The following SLC7A14 variants were observed in gnomAD, a reference collection of about 807,000 sequenced individuals.
The protein encoded by SLC7A14 is solute carrier family 7 member 14.
Under a neutral mutation model 60.2 loss-of-function variants are expected in SLC7A14, and 37 were observed. That is an observed-to-expected ratio of 0.61 (90% confidence interval 0.47 to 0.81). SLC7A14 has a LOEUF of 0.81. SLC7A14 is among the 30% of genes least tolerant of loss of function. The pLI, the probability that SLC7A14 is intolerant of heterozygous loss-of-function variation, is 0.00. For missense variants in SLC7A14, 886 were observed against 982.7 expected (o/e 0.90, Z 1.32); for synonymous variants, 399 against 395.8 (o/e 1.01, Z -0.10).
intron 4 of SLC7A14, chr3:170,496,442 T>C (rs1577512959): frequency 8.0e-7 from 1 of 1,257,530 alleles, no homozygotes; most frequent in East Asian, 2.3e-5. Context: ...CCATCGCAGA[T>C]ACCGAGCAGC....
chr3:170,480,483 A>G lies in SLC7A14; in HGVS notation c.1799T>C (p.Leu600Pro). 1 of 1,614,224 alleles carries G rather than the reference A, an allele frequency of 6.2e-7. No homozygotes were observed. The highest frequency in any genetic ancestry group is 1.1e-5 in the South Asian group (1 of 91,078). The change falls in exon 7 of 8, where the codon CTG becomes CCG. Residue 600 changes from leucine to proline, a missense_variant. Coordinates refer to ENST00000231706, the MANE Select transcript of SLC7A14 (RefSeq NM_020949.3). Reference protein sequence around the residue: ...ISEQSWWAILLVVLMVLLIST... With the variant: ...ISEQSWWAILPVVLMVLLIST... ...GATCAGCAGCACCATCAGAACAACC[A>G]GAAGGATGGCCCACCAGCTCTGCTC...
chr3:170,528,635 T>C (rs556786224), intron 1 of SLC7A14, among the ~76,000 whole-genome samples: 1 of 152,328 alleles, frequency 6.6e-6, no homozygotes, highest in African/African-American at 2.4e-5. Flanking sequence ...TCTGGTTTAA[T>C]TTTTTCCTAG....
At position 170,530,949 on chromosome 3, in the gene SLC7A14, G is replaced by A. The variant is rs144381214; in HGVS notation, c.-152-3861C>T. 2.1e-3 allele frequency among the ~76,000 whole-genome samples: 322 copies of A among 152,288 alleles called. 1 individual carries two copies. Among genetic ancestry groups the A allele is most frequent in the African/African-American group, 7.3e-3 (305 of 41,570 alleles). The stretch of plus-strand genomic sequence containing the variant: ...GGCTTCATGCCCGCTTTTGAGGGGT[G>A]GTGAATGGTTTCCCATCTTGAGACC... On this transcript the variant is annotated intron_variant, in intron 1 of 7. Coordinates refer to ENST00000231706, the MANE Select transcript of SLC7A14 (RefSeq NM_020949.3).
intron 2 of SLC7A14, among the ~76,000 whole-genome samples, chr3:170,509,178 A>T (rs1042303317): frequency 2.0e-5 from 3 of 152,114 alleles, no homozygotes; most frequent in African/African-American, 4.8e-5. Flanking sequence ...AATTTTTACA[A>T]AGGTGTCTGA....
intron 2 of SLC7A14, among the ~76,000 whole-genome samples, chr3:170,512,572 C>G (rs1713012344): frequency 6.6e-6 from 1 of 151,700 alleles, no homozygotes; most frequent in African/African-American, 2.4e-5. Context: ...CTCCTTCCTT[C>G]TCCTCTCCCC....
At chr3:170,538,814 A>G (rs1223358964) in intron 1 of SLC7A14, among the ~76,000 whole-genome samples, 1 of 152,188 alleles carries the variant, frequency 6.6e-6, no homozygotes, top group Middle Eastern at 3.2e-3. Context: ...AAGTCTCCCC[A>G]CTGACCATAA....
chr3:170,534,146 G>T (rs760691131), intron 1 of SLC7A14, among the ~76,000 whole-genome samples: 66 of 152,234 alleles, frequency 4.3e-4, no homozygotes, highest in Middle Eastern at 3.4e-3. Flanking sequence ...TATTACAATG[G>T]TGATGTTTGT....
intron 2 of SLC7A14, among the ~76,000 whole-genome samples, chr3:170,510,401 T>TA (rs796806940): frequency 2.4e-5 from 3 of 123,170 alleles, no homozygotes; most frequent in East Asian, 4.5e-4. Flanking sequence ...AAAAAAAAAA[T>TA]AAATAAATAA....
chr3:170,543,868 G>C (rs1261795443), intron 1 of SLC7A14, among the ~76,000 whole-genome samples: 1 of 149,174 alleles, frequency 6.7e-6, no homozygotes, highest in African/African-American at 2.5e-5. Flanking sequence ...TCTTGCCTCA[G>C]CCTCCCAAGT....
intron 1 of SLC7A14, among the ~76,000 whole-genome samples, chr3:170,537,736 G>A (rs1407031189): frequency 6.6e-6 from 1 of 152,218 alleles, no homozygotes; most frequent in Non-Finnish European, 1.5e-5. Context: ...CAGCTTCAGA[G>A]CCTGAGCGCT....
At chr3:170,555,617 A>G (rs1560279393) in intron 1 of SLC7A14, among the ~76,000 whole-genome samples, 1 of 152,320 alleles carries the variant, frequency 6.6e-6, no homozygotes, top group East Asian at 1.9e-4. Context: ...GCTACATGGT[A>G]TCGCCTGTTG....
chr3:170,541,188 TCA>T (rs1385424207), intron 1 of SLC7A14, among the ~76,000 whole-genome samples: 2 of 152,248 alleles, frequency 1.3e-5, no homozygotes, highest in Non-Finnish European at 2.9e-5. Context: ...GTAATATTAC[TCA>T]CAGTGGTAAA....
chr3:170,501,183 C>A lies in SLC7A14; in HGVS notation c.467G>T (p.Ser156Ile). The change falls in exon 3 of 8, where the codon AGC becomes ATC. Residue 156 changes from serine (S) to isoleucine (I), a missense_variant. Ser to Ile is a moderately radical substitution (Grantham distance 142). Transcript: ENST00000231706. ...GTAAGASALS[S>I]MFDSLANHTI... ...GTGGTTGGCTAGTGAGTCAAACATGCTGCTCAGAGCACTGGCTCCGGCCGC... is the reference window on the plus strand; with the variant it reads ...GTGGTTGGCTAGTGAGTCAAACATGATGCTCAGAGCACTGGCTCCGGCCGC... 6.2e-7 allele frequency: 1 copy of A among 1,614,208 alleles called. No homozygotes were observed. The highest frequency in any genetic ancestry group is 1.1e-5 in the South Asian group (1 of 91,084).
intron 2 of SLC7A14, among the ~76,000 whole-genome samples, chr3:170,515,131 G>A (rs530285741): frequency 2.6e-5 from 4 of 152,016 alleles, no homozygotes; most frequent in East Asian, 1.9e-4. Context: ...TGGCCAACAC[G>A]GCGTAACCCC....
At chr3:170,481,526 C>G (rs555392583) in intron 6 of SLC7A14, among the ~76,000 whole-genome samples, 2 of 151,660 alleles carry the variant, frequency 1.3e-5, no homozygotes, top group African/African-American at 4.8e-5. Context: ...CTCAGCCTCC[C>G]GAGTAGCTGG....
chr3:170,469,379 C>T (rs1438653565), intron 7 of SLC7A14, among the ~76,000 whole-genome samples: 4 of 152,150 alleles, frequency 2.6e-5, no homozygotes, highest in African/African-American at 9.7e-5. Context: ...AAAGTAAGCA[C>T]AGATTTATAG....
At chr3:170,521,567 G>C (rs1713339375) in intron 2 of SLC7A14, among the ~76,000 whole-genome samples, 1 of 152,198 alleles carries the variant, frequency 6.6e-6, no homozygotes, top group Admixed American at 6.5e-5. Flanking sequence ...TATAGGACTT[G>C]TCTCTAGAAT....
chr3:170,575,403 A>G (rs1577574661), intron 1 of SLC7A14, among the ~76,000 whole-genome samples: 1 of 152,182 alleles, frequency 6.6e-6, no homozygotes, highest in African/African-American at 2.4e-5. Flanking sequence ...CAGGCAAAGG[A>G]TGTCATGCTC....
At chr3:170,556,162 C>G (rs536770909) in intron 1 of SLC7A14, among the ~76,000 whole-genome samples, 3 of 152,174 alleles carry the variant, frequency 2.0e-5, no homozygotes, top group African/African-American at 4.8e-5. Context: ...ATTATATCAT[C>G]TTTTTGCAAT....
Sources: gnomAD v4.1 joint callset for allele counts (sites outside exome capture counted in the v4.1 genomes callset) on GRCh38, gnomAD v4.1.1 for gene constraint, MANE v1.5 for transcripts, NCBI Gene and HGNC (gene_info 2026-07-23, HGNC 2026-07-21) for gene names.